Variants in ARID2 observed in about 807,000 individuals in gnomAD.
The protein encoded by ARID2 is AT-rich interactive domain-containing protein 2.
ARID2 carries 32 observed loss-of-function variants against 184.6 expected under a neutral mutation model. That is an observed-to-expected ratio of 0.17 (90% CI 0.13 to 0.23). The LOEUF is 0.23. Among genes scored for constraint, ARID2 ranks in the 10% least tolerant of loss-of-function variants. ARID2 has a pLI of 1.00. For missense variants in ARID2, 1,696 were observed against 2,197.6 expected, an observed-to-expected ratio of 0.77 and a Z score of 4.56; for synonymous variants, 836 against 772.6, an observed-to-expected ratio of 1.08 and a Z score of -1.36.
At chr12:45,775,604 T>C (rs1310737088) in intron 3 of ARID2, among the ~76,000 whole-genome samples, 1 of 152,224 alleles carries the variant, frequency 6.6e-6, no homozygotes, top group Non-Finnish European at 1.5e-5. Flanking sequence ...AGCTTTGCTA[T>C]ATTGGAACTG....
At chr12:45,811,385 T>G (rs771857499) in intron 3 of ARID2, 33 bp from the exon 4 acceptor site, 1 of 1,588,356 alleles carries the variant, frequency 6.3e-7, no homozygotes, top group Non-Finnish European at 8.6e-7. Flanking sequence ...AAATCTATTT[T>G]TAAATGTTTG....
chr12:45,740,574 T>C (rs1053365344), intron 3 of ARID2, among the ~76,000 whole-genome samples: 7 of 152,180 alleles, frequency 4.6e-5, no homozygotes, highest in Non-Finnish European at 1.0e-4. Context: ...TGTTATGACC[T>C]AAGAGTAAAA....
intron 3 of ARID2, among the ~76,000 whole-genome samples, chr12:45,757,551 G>T (rs929349659): frequency 6.6e-6 from 1 of 152,174 alleles, no homozygotes; most frequent in Non-Finnish European, 1.5e-5. Flanking sequence ...TTCTAGTTCT[G>T]GGATGATTGA....
At chr12:45,775,698 A>G (rs1275092129) in intron 3 of ARID2, among the ~76,000 whole-genome samples, 2 of 152,190 alleles carry the variant, frequency 1.3e-5, no homozygotes, top group Non-Finnish European at 2.9e-5. Flanking sequence ...TCATGATTCC[A>G]CTTTAGGTAT....
At chr12:45,855,975 C>T (rs557092180) in intron 15 of ARID2, among the ~76,000 whole-genome samples, 25 of 152,110 alleles carry the variant, frequency 1.6e-4, no homozygotes, top group East Asian at 3.9e-4. Context: ...GAGTGATCCC[C>T]GCGCCTTGGC....
intron 11 of ARID2, chr12:45,840,295 C>T (rs1016768213): frequency 3.3e-5 from 5 of 152,112 alleles, no homozygotes; most frequent in African/African-American, 9.7e-5. Flanking sequence ...GGAGGATGCT[C>T]GTGTTCTCAA....
chr12:45,839,587 T>C (rs755028338), intron 11 of ARID2, 91 bp downstream of exon 11: 108 of 1,441,208 alleles, frequency 7.5e-5, no homozygotes, highest in Non-Finnish European at 9.7e-5. Flanking sequence ...TATAGAGAAC[T>C]GATATTTTAC....
intron 16 of ARID2, among the ~76,000 whole-genome samples, chr12:45,869,735 T>C (rs1448040101): frequency 1.3e-5 from 2 of 151,650 alleles, no homozygotes; most frequent in African/African-American, 2.4e-5. Context: ...ATGTGAACAT[T>C]AGCCAGGCGT....
intron 20 of ARID2, among the ~76,000 whole-genome samples, chr12:45,895,158 TA>T (rs1353943452): frequency 6.6e-6 from 1 of 152,234 alleles, no homozygotes; most frequent in Non-Finnish European, 1.5e-5. Flanking sequence ...AATGTTTTTT[TA>T]TGTGGCTTTT....
At chr12:45,751,653 A>C (rs917122983) in intron 3 of ARID2, among the ~76,000 whole-genome samples, 8 of 152,228 alleles carry the variant, frequency 5.3e-5, no homozygotes, top group African/African-American at 1.9e-4. Context: ...CGTAGAGTGT[A>C]CTTACACAAA....
In ARID2 at chr12:45,850,478, A is replaced by G; in HGVS notation, c.2355A>G (p.Ser785=). 1 of 1,613,976 alleles carries G rather than the reference A, an allele frequency of 6.2e-7. No homozygotes were observed. The highest frequency in any genetic ancestry group is 1.1e-5 in the South Asian group (1 of 91,078). The change falls in exon 15 of 21, where the codon TCA becomes TCG. Residue 785 remains serine, a synonymous_variant. Coordinates refer to ENST00000334344, the MANE Select transcript of ARID2 (RefSeq NM_152641.4). ...CAGTGGTACCAGGACAGATCCCTTC[A>G]GGCACTCCTGTTACAGTAATTCAAC... ...LHTVVPGQIP[S]GTPVTVIQQA...
intron 16 of ARID2, among the ~76,000 whole-genome samples, chr12:45,876,136 G>C (rs1944004587): frequency 6.6e-6 from 1 of 152,194 alleles, no homozygotes; most frequent in Non-Finnish European, 1.5e-5. Flanking sequence ...CTTGAACACT[G>C]AGAGGCCATT....
At chr12:45,738,465 C>T (rs1478731131) in intron 3 of ARID2, among the ~76,000 whole-genome samples, 1 of 152,102 alleles carries the variant, frequency 6.6e-6, no homozygotes, top group Non-Finnish European at 1.5e-5. Flanking sequence ...CAGGCGTGTG[C>T]CACCATACCC....
intron 3 of ARID2, among the ~76,000 whole-genome samples, chr12:45,810,139 C>A (rs1942678330): frequency 6.6e-6 from 1 of 152,164 alleles, no homozygotes; most frequent in South Asian, 2.1e-4. Flanking sequence ...CATTATATAT[C>A]AATCAGTTTA....
In ARID2 at chr12:45,845,247, T is replaced by C. The variant is rs181272304; in HGVS notation, c.1499-1609T>C. On this transcript the variant is annotated intron_variant, in intron 11 of 20. Coordinates refer to ENST00000334344, the MANE Select transcript of ARID2 (RefSeq NM_152641.4). ...AGGGTATGCTCTTTCATAGTAGAGA[T>C]GATAAAGGGAGGAAGATTTCTACAC... 2.0e-4 allele frequency among the ~76,000 whole-genome samples: 31 copies of C among 152,276 alleles called. 3 individuals are homozygous for C. The highest frequency in any genetic ancestry group is 7.5e-4 in the African/African-American group (31 of 41,564).
rs748324093 is a variant in ARID2, at chr12:45,891,938, T to C, written c.5061+20T>C. On this transcript the variant is annotated intron_variant, in intron 17 of 20. Transcript: ENST00000334344. ...TTGCAGGTACACTTTTTAAATACTATTTGATCAGTAACTCATTTGACTGCA... is the reference window on the plus strand; with the variant it reads ...TTGCAGGTACACTTTTTAAATACTACTTGATCAGTAACTCATTTGACTGCA... 3 of 1,614,006 alleles carry C rather than the reference T, an allele frequency of 1.9e-6. No homozygotes were observed. The highest frequency in any genetic ancestry group is 2.5e-6 in the Non-Finnish European group (3 of 1,179,978).
Position 45,905,674 on chromosome 12 carries a change from CA to C in ARID2, c.*597del, listed in dbSNP as rs1944515402. The C allele has an allele frequency of 8.6e-6, 2 of 232,554 alleles. No homozygotes were observed. The highest frequency in any genetic ancestry group is 4.4e-5 in the African/African-American group (2 of 45,282). 14.4% of individuals were successfully genotyped at this position (232,554 alleles called of 1,614,324 possible). On this transcript the variant is annotated 3_prime_UTR_variant, in exon 21 of 21. Coordinates refer to ENST00000334344, the MANE Select transcript of ARID2 (RefSeq NM_152641.4). The stretch of plus-strand genomic sequence containing the variant: ...CTTATTTATTATCATAAAAATTTAC[CA>C]GTCTGAATAGATCTTGTAAATATTT...
At chr12:45,854,868 T>C (rs1031383386) in intron 15 of ARID2, among the ~76,000 whole-genome samples, 1 of 152,216 alleles carries the variant, frequency 6.6e-6, no homozygotes, top group African/African-American at 2.4e-5. Flanking sequence ...TCACACAACC[T>C]TATTAGGTAA....
rs2138092615 is a variant in ARID2, at chr12:45,817,724, A to T, written c.473A>T (p.Tyr158Phe). The change falls in exon 5 of 21, where the codon TAT becomes TTT. Residue 158 changes from tyrosine (Y) to phenylalanine (F), a missense_variant. Coordinates refer to ENST00000334344, the MANE Select transcript of ARID2 (RefSeq NM_152641.4). Reference sequence around the variant, plus strand: ...ATGGACTTTAATTCGCCAAATGATTATAATAAATTGGTGCTTTCACTGTTA... The same window carrying T: ...ATGGACTTTAATTCGCCAAATGATTTTAATAAATTGGTGCTTTCACTGTTA... Reference protein sequence around the residue: ...LSMDFNSPNDYNKLVLSLLSG... With the variant: ...LSMDFNSPNDFNKLVLSLLSG... The T allele has an allele frequency of 1.2e-6, 2 of 1,612,878 alleles. No homozygotes were observed. Among genetic ancestry groups the T allele is most frequent in the Non-Finnish European group, 8.5e-7 (1 of 1,179,824 alleles).
Sources: allele counts gnomAD v4.1 joint callset (sites outside exome capture counted in the v4.1 genomes callset), GRCh38; gene constraint gnomAD v4.1.1; transcripts MANE v1.5; gene names NCBI Gene and HGNC (gene_info 2026-07-23, HGNC 2026-07-21).